CAMKK2: variants seen among roughly 807,000 people sequenced by gnomAD.
The protein encoded by CAMKK2 is calcium/calmodulin dependent protein kinase kinase 2.
In CAMKK2, 30 loss-of-function variants were observed where a neutral mutation model predicts 67.2. The observed-to-expected ratio is 0.45, with a 90% CI of 0.33 to 0.61. The LOEUF (loss-of-function observed/expected upper bound fraction) is 0.61. CAMKK2 is among the 20% of genes least tolerant of loss of function. The pLI is 0.02. For missense variants in CAMKK2, 643 were observed against 802.0 expected (o/e 0.80, Z 2.39); for synonymous variants, 322 against 326.2 (o/e 0.99, Z 0.14).
chr12:121,250,395 G>C (rs1890445755), intron 11 of CAMKK2, among the ~76,000 whole-genome samples: 1 of 152,164 alleles, frequency 6.6e-6, no homozygotes, highest in African/African-American at 2.4e-5. Context: ...AAAAGACTTT[G>C]TGTTATTTGT....
intron 2 of CAMKK2, among the ~76,000 whole-genome samples, chr12:121,272,907 G>A (rs373134105): frequency 1.1e-4 from 17 of 151,990 alleles, no homozygotes; most frequent in South Asian, 8.3e-4. Context: ...CTTTAGAAAG[G>A]CATCCTGATG....
intron 7 of CAMKK2, among the ~76,000 whole-genome samples, chr12:121,257,996 T>C (rs1892685247): frequency 6.6e-6 from 1 of 150,486 alleles, no homozygotes; most frequent in Non-Finnish European, 1.5e-5. Flanking sequence ...TTTTTTAACC[T>C]CTAGAAATAG....
chr12:121,297,636 T>C, upstream of CAMKK2: 1 of 517,550 alleles, frequency 1.9e-6, no homozygotes. Context: ...CCCTGAACCG[T>C]CCTACGGGGT....
chr12:121,289,415 G>T (rs1899505390), intron 1 of CAMKK2, among the ~76,000 whole-genome samples: 1 of 152,224 alleles, frequency 6.6e-6, no homozygotes, highest in Non-Finnish European at 1.5e-5. Context: ...TCATTTTAAA[G>T]ATGTCTTTTT....
chr12:121,242,486 G>A lies in CAMKK2; in HGVS notation c.1597-1617C>T, dbSNP rs545749183. On this transcript the variant is annotated intron_variant, in intron 16 of 16. Coordinates refer to ENST00000404169, the MANE Select transcript of CAMKK2 (RefSeq NM_001270485.2). ...AGGAAGGCCGAGGAAAGGCCAGCCC[G>A]CTGGGTTTCCACTCCATCATCCGTG... Among the ~76,000 whole-genome samples, 151 of 152,318 alleles carry A rather than the reference G, an allele frequency of 9.9e-4. 1 individual carries two copies. The highest frequency in any genetic ancestry group is 3.5e-3 in the African/African-American group (146 of 41,576).
intron 1 of CAMKK2, among the ~76,000 whole-genome samples, chr12:121,278,413 A>G (rs1263881502): frequency 6.6e-6 from 1 of 152,224 alleles, no homozygotes; most frequent in African/African-American, 2.4e-5. Context: ...TAAGTACTCA[A>G]AAACTATTAC....
At chr12:121,282,228 C>G (rs1897930518) in intron 1 of CAMKK2, among the ~76,000 whole-genome samples, 2 of 151,950 alleles carry the variant, frequency 1.3e-5, no homozygotes, top group South Asian at 4.2e-4. Flanking sequence ...TTTCCTGGGT[C>G]TGGAGCCCGG....
chr12:121,283,996 C>T (rs1461585751), intron 1 of CAMKK2, among the ~76,000 whole-genome samples: 1 of 152,262 alleles, frequency 6.6e-6, no homozygotes, highest in Non-Finnish European at 1.5e-5. Flanking sequence ...GACACACTCA[C>T]CAGCACGCCA....
rs1891023972 is a variant in CAMKK2 at position 121,252,759 on chromosome 12, G to T, written c.1108-45C>A. On this transcript the variant is annotated intron_variant, in intron 10 of 16. Coordinates refer to ENST00000404169, the MANE Select transcript of CAMKK2 (RefSeq NM_001270485.2). ...GTGTGAGGGCATAAGGGGTGGTCCA[G>T]CCTCCAATCCTCCAGTTTTCCTTTG... 4 of 1,592,400 alleles carry T rather than the reference G, an allele frequency of 2.5e-6. No individual in the cohort carries two copies. In the South Asian group the frequency reaches 4.4e-5, roughly 18 times the overall value.
chr12:121,256,014 C>T (rs1892205337), intron 7 of CAMKK2, among the ~76,000 whole-genome samples: 3 of 152,316 alleles, frequency 2.0e-5, no homozygotes, highest in South Asian at 4.1e-4. Context: ...GGATTTCTGA[C>T]GTCCCCAGGC....
intron 6 of CAMKK2, among the ~76,000 whole-genome samples, chr12:121,260,742 CG>C (rs1273274635): frequency 1.3e-5 from 2 of 151,988 alleles, no homozygotes; most frequent in Non-Finnish European, 2.9e-5. Context: ...CACCTGAGGT[CG>C]GGAGTTCAAT....
intron 7 of CAMKK2, among the ~76,000 whole-genome samples, chr12:121,257,950 G>C (rs1892677601): frequency 6.6e-6 from 1 of 151,694 alleles, no homozygotes; most frequent in Non-Finnish European, 1.5e-5. Flanking sequence ...GTCGCTAACA[G>C]TTCAACCACT....
chr12:121,251,169 C>G (rs1653594), intron 11 of CAMKK2, among the ~76,000 whole-genome samples: 126,484 of 152,224 alleles, frequency 0.83, 53,058 homozygotes, highest in African/African-American at 0.96. Context: ...TTGAGCTCTA[C>G]CTAATCACTG....
At chr12:121,287,932 A>C (rs1201025204) in intron 1 of CAMKK2, among the ~76,000 whole-genome samples, 1 of 152,196 alleles carries the variant, frequency 6.6e-6, no homozygotes, top group East Asian at 1.9e-4. Context: ...TGATTGCACC[A>C]TTGCATTCCA....
rs1898559856 is a variant in CAMKK2 at position 121,285,508 on chromosome 12, G to GA, written c.-59-10924dup. 1.3e-5 allele frequency among the ~76,000 whole-genome samples: 2 copies of GA among 151,732 alleles called. No homozygotes were observed. The highest frequency in any genetic ancestry group is 2.9e-5 in the Non-Finnish European group (2 of 67,920). ...ACAGAGCAGGACCTTATCTAAAAAA[G>GA]AAACAGAGTAGATGTGTGGGCCAGG... On this transcript the variant is annotated intron_variant, in intron 1 of 16. Transcript: ENST00000404169. This position sits in a 1 kb window ranked among gnomAD's most constrained non-coding sequence, Gnocchi z 4.1.
chr12:121,268,173 G>A (rs563402970), intron 5 of CAMKK2, among the ~76,000 whole-genome samples: 25 of 148,298 alleles, frequency 1.7e-4, no homozygotes, highest in Admixed American at 5.4e-4. Context: ...CTCTGAAGCC[G>A]TGTGTGCTGT....
intron 16 of CAMKK2, among the ~76,000 whole-genome samples, chr12:121,242,803 C>T (rs1290525148): frequency 2.6e-5 from 4 of 151,962 alleles, no homozygotes; most frequent in East Asian, 3.9e-4. Context: ...AGTGCTGTGG[C>T]GCAATCTCGG....
intron 9 of CAMKK2, among the ~76,000 whole-genome samples, chr12:121,254,196 C>T (rs1292633304): frequency 2.0e-5 from 3 of 152,146 alleles, no homozygotes; most frequent in East Asian, 1.9e-4. Context: ...CGGTGGCTCA[C>T]GCCTGTCATC....
intron 16 of CAMKK2, chr12:121,244,025 T>G: frequency 6.4e-7 from 1 of 1,566,482 alleles, no homozygotes; most frequent in Non-Finnish European, 8.7e-7. Flanking sequence ...GCTGGCTATG[T>G]GTATGAAGGA....
Sources: allele counts gnomAD v4.1 joint callset (sites outside exome capture counted in the v4.1 genomes callset), GRCh38; gene constraint gnomAD v4.1.1; non-coding constraint Gnocchi (gnomAD v3.1); transcripts MANE v1.5; gene names NCBI Gene and HGNC (gene_info 2026-07-23, HGNC 2026-07-21).